Variants in NFIA observed in about 807,000 individuals in gnomAD.
NFIA encodes nuclear factor 1 A-type.
In NFIA, 8 loss-of-function variants were observed where a neutral mutation model predicts 62.8. The observed-to-expected ratio is 0.13, with a 90% CI of 0.07 to 0.23. NFIA has a LOEUF of 0.23. Ranked by LOEUF, NFIA falls within the 10% of genes least tolerant of loss-of-function variation. The pLI is 1.00. For synonymous variants in NFIA, 235 were observed against 238.1 expected, an observed-to-expected ratio of 0.99 and a Z score of 0.12; for missense variants, 410 against 642.1, an observed-to-expected ratio of 0.64 and a Z score of 3.91.
rs114170324 is a variant in NFIA at position 61,267,850 on chromosome 1, G to T, written c.560-9670G>T. ...CCTGATTAGGAGCTTTTTGAGGGGAGGGACCTTGCCTTTTTTCATTTTGTA... is the reference window on the plus strand; with the variant it reads ...CCTGATTAGGAGCTTTTTGAGGGGATGGACCTTGCCTTTTTTCATTTTGTA... On this transcript the variant is annotated intron_variant, in intron 2 of 10. Transcript: ENST00000403491. Among the ~76,000 whole-genome samples the T allele has an allele frequency of 1.3e-3, 200 of 152,270 alleles. 1 individual carries two copies. The highest frequency in any genetic ancestry group is 4.3e-3 in the African/African-American group (180 of 41,538).
At chr1:61,422,130 G>A (rs1235380204) in intron 9 of NFIA, among the ~76,000 whole-genome samples, 1 of 152,008 alleles carries the variant, frequency 6.6e-6, no homozygotes, top group East Asian at 1.9e-4. Context: ...GGGCATGATG[G>A]CACGTGTCTG....
chr1:61,378,719 A>ATT (rs1664267404), intron 6 of NFIA, among the ~76,000 whole-genome samples: 1 of 152,076 alleles, frequency 6.6e-6, no homozygotes, highest in African/African-American at 2.4e-5. Context: ...TTCAGACTCC[A>ATT]TTTCTTTCTG....
At chr1:61,286,574 A>G (rs1658516116) in intron 3 of NFIA, among the ~76,000 whole-genome samples, 1 of 152,208 alleles carries the variant, frequency 6.6e-6, no homozygotes, top group African/African-American at 2.4e-5. Context: ...TCGTTCATTC[A>G]TTCAACAGGT....
intron 3 of NFIA, among the ~76,000 whole-genome samples, chr1:61,329,010 A>C (rs1489150923): frequency 6.7e-6 from 1 of 150,046 alleles, no homozygotes; most frequent in Non-Finnish European, 1.5e-5. Flanking sequence ...GGCATGAGCC[A>C]CCGCACCCAG....
At chr1:61,086,228 G>T (rs1298289398) in intron 1 of NFIA, among the ~76,000 whole-genome samples, 1 of 152,020 alleles carries the variant, frequency 6.6e-6, no homozygotes, top group Non-Finnish European at 1.5e-5. Flanking sequence ...GTATATATAA[G>T]AAAATCAGTC....
chr1:61,265,677 T>G (rs1657112538), intron 2 of NFIA, among the ~76,000 whole-genome samples: 1 of 152,224 alleles, frequency 6.6e-6, no homozygotes, highest in Non-Finnish European at 1.5e-5. Flanking sequence ...CTAAAATACA[T>G]ATTTTTAAGT....
chr1:61,406,397 A>G (rs1280910228), intron 8 of NFIA, among the ~76,000 whole-genome samples, 165 bp from the exon 9 acceptor site: 1 of 152,240 alleles, frequency 6.6e-6, no homozygotes, highest in Non-Finnish European at 1.5e-5. Flanking sequence ...GAACCCAACA[A>G]TGGACATTTC....
At chr1:61,099,250 C>T (rs1646468813) in intron 2 of NFIA, among the ~76,000 whole-genome samples, 1 of 152,026 alleles carries the variant, frequency 6.6e-6, no homozygotes, top group African/African-American at 2.4e-5. Context: ...CTTGGAGGTG[C>T]TGGAGTGGGG....
At chr1:61,162,689 G>T (rs1196149405) in intron 2 of NFIA, among the ~76,000 whole-genome samples, 3 of 152,170 alleles carry the variant, frequency 2.0e-5, no homozygotes, top group African/African-American at 7.2e-5. Flanking sequence ...CCCCATGGAG[G>T]GTGGAACATT....
At chr1:61,448,419 A>G in intron 10 of NFIA, among the ~76,000 whole-genome samples, 1 of 152,198 alleles carries the variant, frequency 6.6e-6, no homozygotes, top group Admixed American at 6.5e-5. Context: ...TTGTAGAGTG[A>G]TTTGCTTTCC....
intron 3 of NFIA, among the ~76,000 whole-genome samples, chr1:61,280,991 C>T (rs562436880): frequency 6.6e-6 from 1 of 152,254 alleles, no homozygotes; most frequent in East Asian, 1.9e-4. Flanking sequence ...CGCCTATAAT[C>T]CCAGCACTTT....
chr1:61,190,812 C>A (rs948742158), intron 2 of NFIA, among the ~76,000 whole-genome samples: 2 of 152,316 alleles, frequency 1.3e-5, no homozygotes, highest in South Asian at 2.1e-4. Flanking sequence ...ATTTAGACTT[C>A]TTGCAACACC....
intron 2 of NFIA, among the ~76,000 whole-genome samples, chr1:61,148,472 A>G (rs1480535789): frequency 6.6e-6 from 1 of 152,094 alleles, no homozygotes; most frequent in Non-Finnish European, 1.5e-5. Flanking sequence ...GAGGCATCAT[A>G]GTGGGTATTT....
chr1:61,115,395 G>A (rs2100460664), intron 2 of NFIA, among the ~76,000 whole-genome samples: 1 of 152,346 alleles, frequency 6.6e-6, no homozygotes, highest in East Asian at 1.9e-4. Context: ...TAGATTCAAA[G>A]GGGAAGAGGC....
chr1:61,082,554 T>C, upstream of NFIA: 1 of 1,443,402 alleles, frequency 6.9e-7, no homozygotes, highest in Non-Finnish European at 9.1e-7. Flanking sequence ...GTAGGGAAAC[T>C]CTAGGCGGGG....
intron 2 of NFIA, among the ~76,000 whole-genome samples, chr1:61,243,686 G>C (rs1265121553): frequency 1.3e-5 from 2 of 152,098 alleles, no homozygotes; most frequent in Non-Finnish European, 2.9e-5. Flanking sequence ...TAAGCAAGTA[G>C]AATTTTTTCA....
chr1:61,174,578 CTGCTACTCTG>C (rs1471514307), intron 2 of NFIA, among the ~76,000 whole-genome samples: 4 of 152,194 alleles, frequency 2.6e-5, no homozygotes, highest in African/African-American at 9.7e-5. Context: ...GTAAATAAAG[CTGCTACTCTG>C]TGCTCCAAAA....
intron 2 of NFIA, among the ~76,000 whole-genome samples, chr1:61,246,209 TAAA>T (rs1655639402): frequency 6.6e-6 from 1 of 152,134 alleles, no homozygotes; most frequent in Admixed American, 6.5e-5. Context: ...TAATGCTGTT[TAAA>T]AAGAGGAACT....
chr1:61,401,739 G>C (rs945233580), intron 7 of NFIA, among the ~76,000 whole-genome samples: 3 of 152,184 alleles, frequency 2.0e-5, no homozygotes, highest in African/African-American at 7.2e-5. Context: ...GTTTCGTTTT[G>C]TTAGGCTCAG....
Sources: gnomAD v4.1 joint callset for allele counts (sites outside exome capture counted in the v4.1 genomes callset) on GRCh38, gnomAD v4.1.1 for gene constraint, MANE v1.5 for transcripts, NCBI Gene and HGNC (gene_info 2026-07-23, HGNC 2026-07-21) for gene names.